Variants in PRPF3 observed in about 807,000 individuals in gnomAD.
PRPF3 encodes U4/U6 small nuclear ribonucleoprotein Prp3.
Under a neutral mutation model 89.2 loss-of-function variants are expected in PRPF3, and 3 were observed. The ratio of observed to expected loss-of-function variants is 0.03; its 90% CI spans 0.02 to 0.09. PRPF3 has a LOEUF of 0.09. Ranked by LOEUF, PRPF3 falls within the 10% of genes least tolerant of loss-of-function variation. PRPF3 has a pLI of 1.00. For synonymous variants in PRPF3, 270 were observed against 289.1 expected, an observed-to-expected ratio of 0.93 and a Z score of 0.67; for missense variants, 463 against 828.8, an observed-to-expected ratio of 0.56 and a Z score of 5.42.
intron 9 of PRPF3, 76 bp downstream of exon 9, chr1:150,340,553 C>T (rs1248664756): frequency 7.0e-6 from 8 of 1,144,340 alleles, no homozygotes; most frequent in Non-Finnish European, 9.3e-6. Flanking sequence ...GGAACATGTT[C>T]TGTATCTATG....
At chr1:150,351,349 G>T (rs1372301623) in intron 15 of PRPF3, among the ~76,000 whole-genome samples, 2 of 151,786 alleles carry the variant, frequency 1.3e-5, no homozygotes, top group Admixed American at 1.3e-4. Context: ...TTCTGAAGGA[G>T]CAATCAAAAA....
Position 150,340,298 on chromosome 1 carries a change from C to G in PRPF3, c.1203-100C>G, listed in dbSNP as rs1177765469. The G allele has an allele frequency of 6.1e-6, 5 of 821,216 alleles. No homozygotes were observed. The East Asian group carries it at 1.3e-4, about 21-fold the overall frequency. The allele number at this position is 821,216 out of a possible 1,614,324, so 50.9% of individuals were successfully genotyped here. A position where few individuals can be genotyped will look rare whatever the true frequency, so the allele number is the denominator to read the frequency against. ...TTTTAGGTATATCAAGCACAAGAAC[C>G]CATTATAGAGAGTGGGTTTTTTCAT... On this transcript the variant is annotated intron_variant, in intron 8 of 15. Coordinates refer to ENST00000324862, the MANE Select transcript of PRPF3 (RefSeq NM_004698.4).
intron 3 of PRPF3, among the ~76,000 whole-genome samples, chr1:150,326,881 G>T (rs587659173): frequency 6.6e-6 from 1 of 152,148 alleles, no homozygotes; most frequent in Admixed American, 6.6e-5. Flanking sequence ...AGAGGCAGGG[G>T]TATCACAAAA....
In PRPF3 at chr1:150,333,012, C is replaced by T. The variant is rs1002893595; in HGVS notation, c.541C>T (p.Leu181Phe). 3.7e-6 allele frequency: 6 copies of T among 1,613,952 alleles called. No individual in the cohort carries two copies. Among genetic ancestry groups the T allele is most frequent in the Non-Finnish European group, 5.1e-6 (6 of 1,180,008 alleles). The change falls in exon 6 of 16, where the codon CTT (leucine) becomes TTT (phenylalanine). Residue 181 changes from leucine (L) to phenylalanine (F), a missense_variant. By Grantham distance (22) the Leu-to-Phe change is conservative. This residue lies in a region of PRPF3 where 38 missense variants were observed against 48.3 expected (regional missense o/e 0.79). Coordinates refer to ENST00000324862, the MANE Select transcript of PRPF3 (RefSeq NM_004698.4). ...TCCTTCTTCCTCCCAACCAGAACGA[C>T]TTCCTATTGGCAACACTATTCAGCC... The part of the protein sequence containing the change: ...KTPSSSQPER[L>F]PIGNTIQPSQ...
chr1:150,340,272 A>G, intron 8 of PRPF3, 126 bp from the exon 9 acceptor site: 2 of 711,374 alleles, frequency 2.8e-6, no homozygotes, highest in Non-Finnish European at 5.0e-6. Flanking sequence ...CCTAAATGCT[A>G]TTTTAGGTAT....
intron 7 of PRPF3, among the ~76,000 whole-genome samples, chr1:150,335,528 C>T (rs1427826017): frequency 2.0e-5 from 3 of 152,072 alleles, no homozygotes; most frequent in Admixed American, 6.6e-5. Context: ...TGCAATGGGG[C>T]GATCTCGGCT....
chr1:150,337,707 G>A (rs1191930270), intron 7 of PRPF3, among the ~76,000 whole-genome samples: 2 of 151,344 alleles, frequency 1.3e-5, no homozygotes, highest in African/African-American at 2.4e-5. Context: ...GAACCCGGGA[G>A]GTGGAGCTTA....
chr1:150,327,127 G>T (rs1655819370), intron 3 of PRPF3, among the ~76,000 whole-genome samples: 2 of 149,532 alleles, frequency 1.3e-5, no homozygotes, highest in African/African-American at 2.5e-5. Flanking sequence ...GAGTACAGTA[G>T]CGCAATCTTG....
chr1:150,351,508 T>A (rs1280672234), intron 15 of PRPF3, among the ~76,000 whole-genome samples: 1 of 146,884 alleles, frequency 6.8e-6, no homozygotes, highest in African/African-American at 2.5e-5. Context: ...TTTAATCAAC[T>A]TTTTTTTTTA....
intron 14 of PRPF3, among the ~76,000 whole-genome samples, chr1:150,348,460 A>ATTTTTTTTTTTTTTTTTTTT (rs1185909509): frequency 0.035 from 1,677 of 48,378 alleles, 532 homozygotes; most frequent in Non-Finnish European, 0.043. Context: ...CTACACGTGC[A>ATTTTTTTTTTTTTTTTTTTT]TTTTTTTTTT....
At position 150,347,830 on chromosome 1, in the gene PRPF3, C is replaced by G. The variant is rs1202781450; in HGVS notation, c.1844-1327C>G. ...ATACTTAGATTAGCCTACAGTTGGG[C>G]AAAATCATCTAACACAAAGCCTATT... On this transcript the variant is annotated intron_variant, in intron 14 of 15. Transcript: ENST00000324862. Among the ~76,000 whole-genome samples, 4 of 152,202 alleles carry G rather than the reference C, an allele frequency of 2.6e-5. No individual in the cohort carries two copies. In the East Asian group the frequency reaches 5.8e-4, roughly 22 times the overall value.
Position 150,324,985 on chromosome 1 carries a change from A to G in PRPF3, c.43A>G (p.Ile15Val), listed in dbSNP as rs1395340408. The change falls in exon 2 of 16, where the codon ATA becomes GTA. Residue 15 changes from isoleucine to valine, a missense_variant. This residue lies in a region of PRPF3 where 33 missense variants were observed against 83.1 expected (regional missense o/e 0.40). Transcript: ENST00000324862. ...KRELDELKPW[I>V]EKTVKRVLGF... ...GGAGCTGGATGAGCTGAAACCATGG[A>G]TAGAGAAGACAGTGAAGAGGGTCCT... The G allele has an allele frequency of 4.3e-6, 7 of 1,613,356 alleles. No individual in the cohort carries two copies. The highest frequency in any genetic ancestry group is 4.5e-5 in the East Asian group (2 of 44,852).
chr1:150,336,523 C>T (rs1427833612), intron 7 of PRPF3, among the ~76,000 whole-genome samples: 2 of 151,964 alleles, frequency 1.3e-5, no homozygotes, highest in African/African-American at 4.8e-5. Context: ...TTTGGGAGGC[C>T]GAGGTGGGTG....
intron 3 of PRPF3, among the ~76,000 whole-genome samples, chr1:150,326,944 G>A (rs782477981): frequency 6.6e-6 from 1 of 151,918 alleles, no homozygotes; most frequent in African/African-American, 2.4e-5. Flanking sequence ...AAATTTTAGG[G>A]TTGGTTATAG....
At chr1:150,322,413 G>C (rs1655151335) in intron 1 of PRPF3, among the ~76,000 whole-genome samples, 1 of 152,226 alleles carries the variant, frequency 6.6e-6, no homozygotes, top group African/African-American at 2.4e-5. Flanking sequence ...TTGCCCAAGG[G>C]CTTGTAAATG....
intron 4 of PRPF3, among the ~76,000 whole-genome samples, chr1:150,328,683 G>A (rs187374768): frequency 6.7e-6 from 1 of 150,124 alleles, no homozygotes; most frequent in Admixed American, 6.8e-5. Flanking sequence ...CTACTGAGTA[G>A]CTGGGATTAG....
intron 3 of PRPF3, among the ~76,000 whole-genome samples, chr1:150,326,410 A>G (rs1021240114): frequency 2.6e-5 from 4 of 152,170 alleles, no homozygotes; most frequent in African/African-American, 9.7e-5. Flanking sequence ...CCATGAGTGA[A>G]ACACTTGGAG....
intron 1 of PRPF3, among the ~76,000 whole-genome samples, chr1:150,323,173 C>CTTTTGTTTTTTT (rs1655278674): frequency 2.1e-5 from 1 of 48,270 alleles, no homozygotes; most frequent in Non-Finnish European, 3.3e-5. Context: ...CCGCACCTGG[C>CTTTTGTTTTTTT]TTTTTTTTTT....
chr1:150,344,342 G>C, intron 11 of PRPF3, 81 bp downstream of exon 11: 1 of 1,613,796 alleles, frequency 6.2e-7, no homozygotes, highest in Non-Finnish European at 8.5e-7. Flanking sequence ...TTGGAGGGAG[G>C]GGAGAGTTCT....
Sources: gnomAD v4.1 joint callset for allele counts (sites outside exome capture counted in the v4.1 genomes callset) on GRCh38, gnomAD v4.1.1 for gene constraint, gnomAD v4.1.1 regional missense constraint, MANE v1.5 for transcripts, NCBI Gene and HGNC (gene_info 2026-07-23, HGNC 2026-07-21) for gene names.